The following FKBP5 variants were observed in gnomAD, a reference collection of about 807,000 sequenced individuals.
FKBP5 encodes the protein peptidyl-prolyl cis-trans isomerase FKBP5.
FKBP5 carries 23 observed loss-of-function variants against 50.5 expected under a neutral mutation model. That is an observed-to-expected ratio of 0.46 (90% CI 0.33 to 0.65). FKBP5 has a LOEUF of 0.65. Ranked by LOEUF, FKBP5 falls within the 30% of genes least tolerant of loss-of-function variation. The pLI, the probability that FKBP5 is intolerant of heterozygous loss-of-function variation, is 0.02. For synonymous variants in FKBP5, 176 were observed against 190.6 expected (o/e 0.92, Z 0.63); for missense variants, 411 against 553.1 (o/e 0.74, Z 2.58).
intron 1 of FKBP5, among the ~76,000 whole-genome samples, chr6:35,665,262 C>T (rs1041239711): frequency 6.6e-6 from 1 of 151,876 alleles, no homozygotes; most frequent in Admixed American, 6.6e-5. Flanking sequence ...GGGTCTTCTG[C>T]TCCTTTAGAA....
At chr6:35,658,696 A>T (rs1765026138) in intron 1 of FKBP5, among the ~76,000 whole-genome samples, 1 of 20,668 alleles carries the variant, frequency 4.8e-5, no homozygotes, top group African/African-American at 1.1e-4. Context: ...CCAACCTTGG[A>T]TACCTGGAAT....
chr6:35,706,074 A>C (rs1237038841), intron 2 of FKBP5, among the ~76,000 whole-genome samples: 1 of 151,862 alleles, frequency 6.6e-6, no homozygotes, highest in Non-Finnish European at 1.5e-5. Flanking sequence ...GCACCACTGC[A>C]CTCCAGCCTA....
chr6:35,630,193 C>A (rs572587631), intron 3 of FKBP5, among the ~76,000 whole-genome samples: 132 of 149,504 alleles, frequency 8.8e-4, no homozygotes, highest in African/African-American at 2.4e-3. Flanking sequence ...AGAGAGAGAG[C>A]GAGCGAACAC....
intron 5 of FKBP5, among the ~76,000 whole-genome samples, chr6:35,603,431 C>A (rs1040286486): frequency 1.3e-5 from 2 of 152,012 alleles, no homozygotes; most frequent in East Asian, 3.9e-4. Flanking sequence ...GAGTTCAGGG[C>A]CAGCAAGTAA....
At chr6:35,681,274 G>T (rs1765654607) in intron 1 of FKBP5, among the ~76,000 whole-genome samples, 1 of 152,152 alleles carries the variant, frequency 6.6e-6, no homozygotes, top group Admixed American at 6.5e-5. Context: ...GTATACGGAA[G>T]CTCTTTGTAC....
At chr6:35,728,373 T>A (rs1470381396) in intron 1 of FKBP5, 1 of 152,132 alleles carries the variant, frequency 6.6e-6, no homozygotes, top group African/African-American at 2.4e-5. Context: ...GCCCCTCTAT[T>A]AAAGCGTCTC....
intron 1 of FKBP5, among the ~76,000 whole-genome samples, chr6:35,665,140 C>A (rs75710780): frequency 0.012 from 1,853 of 152,250 alleles, 19 homozygotes; most frequent in Non-Finnish European, 0.017. Flanking sequence ...ATTCTGTATA[C>A]ACTGCTAGTG....
At chr6:35,682,967 G>A (rs1765712305) in intron 1 of FKBP5, among the ~76,000 whole-genome samples, 2 of 148,114 alleles carry the variant, frequency 1.4e-5, no homozygotes, top group African/African-American at 5.0e-5. Context: ...TTTAAAAAAA[G>A]GTTAAAAACA....
chr6:35,579,408 G>A (rs1762350357), intron 9 of FKBP5, among the ~76,000 whole-genome samples: 1 of 152,040 alleles, frequency 6.6e-6, no homozygotes, highest in African/African-American at 2.4e-5. Flanking sequence ...TTCACTCTGA[G>A]ACCAGATACC....
At chr6:35,649,783 T>A (rs1764738774) in intron 1 of FKBP5, among the ~76,000 whole-genome samples, 3 of 152,114 alleles carry the variant, frequency 2.0e-5, no homozygotes, top group African/African-American at 7.2e-5. Context: ...GATGAAAAAG[T>A]CATGATGCAA....
At chr6:35,630,168 GAA>G (rs1764110346) in intron 3 of FKBP5, among the ~76,000 whole-genome samples, 1 of 150,572 alleles carries the variant, frequency 6.6e-6, no homozygotes. Flanking sequence ...GGAGGAGGAA[GAA>G]AGAGAGAGAG....
Position 35,591,115 on chromosome 6 carries a change from T to G in FKBP5, c.756+15A>C, listed in dbSNP as rs761146575. 1.2e-5 allele frequency: 19 copies of G among 1,550,868 alleles called. No individual in the cohort carries two copies. The highest frequency in any genetic ancestry group is 2.7e-5 in the African/African-American group (2 of 73,328). Reference sequence around the variant, plus strand: ...GAAACCTACCATAATTTTAAGGAAGTTGGTATTTTCTCACCTTTTCGAAGC... The same window carrying G: ...GAAACCTACCATAATTTTAAGGAAGGTGGTATTTTCTCACCTTTTCGAAGC... On this transcript the variant is annotated intron_variant, in intron 7 of 10. Coordinates refer to ENST00000357266, the MANE Select transcript of FKBP5 (RefSeq NM_004117.4).
At chr6:35,590,168 G>A (rs1232843028) in intron 7 of FKBP5, among the ~76,000 whole-genome samples, 2 of 152,058 alleles carry the variant, frequency 1.3e-5, no homozygotes, top group Non-Finnish European at 2.9e-5. Context: ...GTGTGGTAGC[G>A]TGTGCCTGTA....
intron 2 of FKBP5, among the ~76,000 whole-genome samples, chr6:35,714,766 A>G (rs1438142859): frequency 6.7e-6 from 1 of 149,414 alleles, no homozygotes; most frequent in East Asian, 2.0e-4. Flanking sequence ...GCAGTGAGCT[A>G]TCGTGCCATT....
intron 5 of FKBP5, among the ~76,000 whole-genome samples, chr6:35,616,011 G>A (rs182289507): frequency 2.0e-5 from 3 of 152,230 alleles, no homozygotes; most frequent in Non-Finnish European, 4.4e-5. Context: ...ACGGTCAGTT[G>A]TATTCAAAAT....
At chr6:35,643,595 T>C (rs1764551956) in intron 1 of FKBP5, among the ~76,000 whole-genome samples, 1 of 152,198 alleles carries the variant, frequency 6.6e-6, no homozygotes, top group Non-Finnish European at 1.5e-5. Flanking sequence ...TTTTACTTTC[T>C]TTCATGCAGC....
intron 7 of FKBP5, 84 bp downstream of exon 7, chr6:35,591,046 A>G: frequency 1.2e-6 from 1 of 856,056 alleles, no homozygotes; most frequent in Non-Finnish European, 1.9e-6. Context: ...TATCTATACC[A>G]CCTACTAAGA....
chr6:35,721,541 C>T (rs1470804397), intron 1 of FKBP5, among the ~76,000 whole-genome samples: 3 of 152,026 alleles, frequency 2.0e-5, no homozygotes, highest in Non-Finnish European at 2.9e-5. Context: ...CCACAACCTC[C>T]GCCTCCCGGG....
chr6:35,662,787 GT>G (rs1765108138), intron 1 of FKBP5, among the ~76,000 whole-genome samples: 1 of 152,070 alleles, frequency 6.6e-6, no homozygotes, highest in Non-Finnish European at 1.5e-5. Flanking sequence ...AAAGCCAATA[GT>G]TTTCTAATTA....
Sources: allele counts gnomAD v4.1 joint callset (sites outside exome capture counted in the v4.1 genomes callset), GRCh38; gene constraint gnomAD v4.1.1; transcripts MANE v1.5; gene names NCBI Gene and HGNC (gene_info 2026-07-23, HGNC 2026-07-21).